Variants in WDFY3 observed in about 807,000 individuals in gnomAD.
The protein encoded by WDFY3 is WD repeat and FYVE domain-containing protein 3.
In WDFY3, 66 loss-of-function variants were observed where a neutral mutation model predicts 409.6. The ratio of observed to expected loss-of-function variants is 0.16; its 90% CI spans 0.13 to 0.20. The LOEUF (loss-of-function observed/expected upper bound fraction) is 0.20. WDFY3 is among the 10% of genes least tolerant of loss of function. WDFY3 has a pLI of 1.00. For missense variants in WDFY3, 3,031 were observed against 4,298.1 expected, an observed-to-expected ratio of 0.71 and a Z score of 8.24; for synonymous variants, 1,521 against 1,537.1, an observed-to-expected ratio of 0.99 and a Z score of 0.25.
At chr4:84,898,158 G>A (rs1765879978) in intron 2 of WDFY3, among the ~76,000 whole-genome samples, 2 of 152,168 alleles carry the variant, frequency 1.3e-5, no homozygotes, top group Admixed American at 1.3e-4. Context: ...CTTTTGAAGT[G>A]CTCAACAGCT....
chr4:84,944,588 C>A (rs1488501493), intron 1 of WDFY3, among the ~76,000 whole-genome samples: 1 of 151,434 alleles, frequency 6.6e-6, no homozygotes, highest in Non-Finnish European at 1.5e-5. Context: ...CTTTGTGGGG[C>A]TGTGGCGGAT....
chr4:84,758,863 C>T (rs1741941537), intron 32 of WDFY3, among the ~76,000 whole-genome samples: 1 of 152,186 alleles, frequency 6.6e-6, no homozygotes, highest in Admixed American at 6.5e-5. Context: ...GTGTTTTAGA[C>T]ATGAAGTCCT....
At chr4:84,817,995 T>A (rs960382822) in intron 12 of WDFY3, among the ~76,000 whole-genome samples, 6 of 152,168 alleles carry the variant, frequency 3.9e-5, no homozygotes, top group African/African-American at 1.4e-4. Flanking sequence ...AGGAATGGAA[T>A]AAATTATTCC....
At chr4:84,770,816 T>C (rs1744551404) in intron 30 of WDFY3, among the ~76,000 whole-genome samples, 1 of 152,226 alleles carries the variant, frequency 6.6e-6, no homozygotes, top group Non-Finnish European at 1.5e-5. Flanking sequence ...TATTTAACTT[T>C]TATGTCTCCT....
intron 32 of WDFY3, among the ~76,000 whole-genome samples, chr4:84,759,428 A>G (rs960552545): frequency 7.9e-5 from 12 of 151,910 alleles, no homozygotes; most frequent in African/African-American, 2.9e-4. Context: ...GATTCTTCCT[A>G]CCCATGAGCA....
At chr4:84,694,853 G>A (rs1729835078) in intron 58 of WDFY3, among the ~76,000 whole-genome samples, 1 of 152,112 alleles carries the variant, frequency 6.6e-6, no homozygotes, top group African/African-American at 2.4e-5. Context: ...CATTGTAAAT[G>A]GTACAGTTAC....
rs553471009 is a variant in WDFY3 at position 84,792,628 on chromosome 4, A to G, written c.3487+1891T>C. Among the ~76,000 whole-genome samples, 8 of 152,292 alleles carry G rather than the reference A, an allele frequency of 5.3e-5. No homozygotes were observed. In the South Asian group the frequency reaches 1.7e-3, roughly 32 times the overall value. On this transcript the variant is annotated intron_variant, in intron 21 of 67. Transcript: ENST00000295888. ...GAATGAATCCTGGCAATACTAATGC[A>G]TATGTTACCGTCATTTCTAATCATA...
chr4:84,866,568 A>G (rs1761425033), intron 3 of WDFY3, among the ~76,000 whole-genome samples: 2 of 152,222 alleles, frequency 1.3e-5, no homozygotes, highest in South Asian at 4.1e-4. Context: ...TCATCTGCAT[A>G]GGGCACCAAT....
chr4:84,937,223 A>C (rs181983370), intron 1 of WDFY3, among the ~76,000 whole-genome samples: 53 of 152,280 alleles, frequency 3.5e-4, no homozygotes, highest in African/African-American at 1.3e-3. Context: ...AAGGCCTATT[A>C]GTTCTCATCT....
chr4:84,708,826 C>G, intron 53 of WDFY3, 83 bp downstream of exon 53: 1 of 1,467,788 alleles, frequency 6.8e-7, no homozygotes, highest in Non-Finnish European at 9.3e-7. Context: ...TAGGGATGAG[C>G]CACTGCACCC....
chr4:84,954,132 A>C (rs1248410569), intron 1 of WDFY3, among the ~76,000 whole-genome samples: 4 of 152,194 alleles, frequency 2.6e-5, no homozygotes, highest in African/African-American at 9.6e-5. Context: ...AAAAGCTTAC[A>C]GAATTATTAT....
chr4:84,696,184 T>C lies in WDFY3; in HGVS notation c.8689-2A>G. The C allele has an allele frequency of 6.2e-7, 1 of 1,613,504 alleles. No homozygotes were observed. The highest frequency in any genetic ancestry group is 8.5e-7 in the Non-Finnish European group (1 of 1,179,690). ...ACTCACGTAATCACACTCCAAAGCC[T>C]GTAATTTCAAACATAGGTTTAGTCA... On this transcript the variant is annotated splice_acceptor_variant, in intron 57 of 67. Coordinates refer to ENST00000295888, the MANE Select transcript of WDFY3 (RefSeq NM_014991.6). LOFTEE classifies it high-confidence loss of function.
At position 84,756,872 on chromosome 4, in the gene WDFY3, C is replaced by T. The variant is rs142440190; in HGVS notation, c.5424+54G>A. The stretch of plus-strand genomic sequence containing the variant: ...TTTACAGTGATTATCCATTATCCTA[C>T]GGTGATTCTTTGGAATACGTAATTT... On this transcript the variant is annotated intron_variant, in intron 33 of 67. Transcript: ENST00000295888. 3.8e-4 allele frequency: 581 copies of T among 1,529,994 alleles called. 5 individuals are homozygous for T. In the South Asian group the frequency reaches 3.9e-3, roughly 10 times the overall value. 94.8% of individuals were successfully genotyped at this position (1,529,994 alleles called of 1,614,324 possible).
intron 56 of WDFY3, among the ~76,000 whole-genome samples, chr4:84,700,983 G>A (rs1365683204): frequency 1.3e-5 from 2 of 152,146 alleles, no homozygotes; most frequent in African/African-American, 2.4e-5. Flanking sequence ...GTGTGGTGGC[G>A]CATGTAATCC....
intron 30 of WDFY3, among the ~76,000 whole-genome samples, chr4:84,772,560 T>C (rs1021843509): frequency 6.6e-6 from 1 of 152,184 alleles, no homozygotes; most frequent in African/African-American, 2.4e-5. Context: ...AGGAAGAGTT[T>C]GCTATTTAAA....
At chr4:84,742,552 C>T (rs1443033783) in intron 37 of WDFY3, among the ~76,000 whole-genome samples, 1 of 152,050 alleles carries the variant, frequency 6.6e-6, no homozygotes, top group Non-Finnish European at 1.5e-5. Flanking sequence ...GCCAGGGGTC[C>T]CCAACTCCCA....
chr4:84,761,781 C>T (rs1249438527), intron 32 of WDFY3, among the ~76,000 whole-genome samples: 1 of 152,082 alleles, frequency 6.6e-6, no homozygotes, highest in Non-Finnish European at 1.5e-5. Flanking sequence ...AAACAAACAA[C>T]CCCATCAAAA....
rs529272202 is a variant in WDFY3 at position 84,687,860 on chromosome 4, G to A, written c.9543+226C>T. The A allele has an allele frequency of 2.8e-4, 120 of 421,572 alleles. No homozygotes were observed. In the South Asian group the frequency reaches 3.9e-3, roughly 14 times the overall value. The allele number at this position is 421,572 out of a possible 1,614,324, so 26.1% of individuals were successfully genotyped here. On this transcript the variant is annotated intron_variant, in intron 62 of 67. Coordinates refer to ENST00000295888, the MANE Select transcript of WDFY3 (RefSeq NM_014991.6). ...GGTTCACCCCTCCTTAGGCAACTTG[G>A]TGGTCTCTGACTTTCAGGAGGTCAC...
intron 58 of WDFY3, among the ~76,000 whole-genome samples, chr4:84,694,454 T>C (rs1729777786): frequency 6.6e-6 from 1 of 152,234 alleles, no homozygotes; most frequent in Non-Finnish European, 1.5e-5. Flanking sequence ...TACTTCAAAG[T>C]AGCACAAAAA....
Sources: gnomAD v4.1 joint callset for allele counts (sites outside exome capture counted in the v4.1 genomes callset) on GRCh38, gnomAD v4.1.1 for gene constraint, MANE v1.5 for transcripts, NCBI Gene and HGNC (gene_info 2026-07-23, HGNC 2026-07-21) for gene names.